Variants in PDE11A observed in about 807,000 individuals in gnomAD.
The protein encoded by PDE11A is dual 3',5'-cyclic-AMP and -GMP phosphodiesterase 11A.
In PDE11A, 100 loss-of-function variants were observed where a neutral mutation model predicts 100.5. The ratio of observed to expected loss-of-function variants is 1.00; its 90% CI spans 0.85 to 1.18. PDE11A has a LOEUF of 1.18. PDE11A is among the 50% of genes most tolerant of loss of function. The probability of loss-of-function intolerance (pLI) is 0.00; values close to 1 mark genes in which losing one functional copy is unlikely to be tolerated. For synonymous variants in PDE11A, 381 were observed against 420.8 expected, an observed-to-expected ratio of 0.91 and a Z score of 1.16; for missense variants, 1,141 against 1,152.6, an observed-to-expected ratio of 0.99 and a Z score of 0.15.
At chr2:177,946,102 G>T (rs1402146173) in intron 2 of PDE11A, among the ~76,000 whole-genome samples, 1 of 99,030 alleles carries the variant, frequency 1.0e-5, no homozygotes, top group African/African-American at 4.4e-5. Flanking sequence ...GATGGAGGTG[G>T]GGGGGGGTCA....
intron 6 of PDE11A, among the ~76,000 whole-genome samples, chr2:177,836,397 C>A (rs1012722600): frequency 5.3e-5 from 8 of 152,234 alleles, no homozygotes; most frequent in African/African-American, 1.9e-4. Flanking sequence ...ATGCACCAAT[C>A]ATTGCTGTGT....
intron 9 of PDE11A, among the ~76,000 whole-genome samples, chr2:177,783,521 A>T (rs2082485210): frequency 6.6e-6 from 1 of 152,228 alleles, no homozygotes; most frequent in African/African-American, 2.4e-5. Flanking sequence ...GCTCATTAAA[A>T]TTACTACTAC....
chr2:177,658,519 T>C (rs930531994), intron 19 of PDE11A, among the ~76,000 whole-genome samples: 1 of 150,240 alleles, frequency 6.7e-6, no homozygotes, highest in Non-Finnish European at 1.5e-5. Context: ...TCCCTCTCTC[T>C]CTCCTTCCCT....
rs1358493873 is a variant in PDE11A, at chr2:177,624,126, C to T, written c.*5281G>A. On this transcript the variant is annotated 3_prime_UTR_variant, in exon 20 of 20. Coordinates refer to ENST00000286063, the MANE Select transcript of PDE11A (RefSeq NM_016953.4). ...TTTGGGAGTTCTTTACAGCATGTAG[C>T]AGAATAACAATTTCAGAGACTGTTA... 1 of 152,178 alleles carries T rather than the reference C, an allele frequency of 6.6e-6. No homozygotes were observed. Among genetic ancestry groups the T allele is most frequent in the Non-Finnish European group, 1.5e-5 (1 of 68,038 alleles). The allele number at this position is 152,178 out of a possible 1,614,324, so 9.4% of individuals were successfully genotyped here. A position where few individuals can be genotyped will look rare whatever the true frequency, so the allele number is the denominator to read the frequency against.
intron 2 of PDE11A, among the ~76,000 whole-genome samples, chr2:177,929,329 C>G (rs901729280): frequency 2.6e-5 from 4 of 152,158 alleles, no homozygotes; most frequent in African/African-American, 9.7e-5. Flanking sequence ...TTTTTGTTAG[C>G]TGAGAATCTC....
At chr2:177,665,142 G>C (rs6758923) in intron 18 of PDE11A, among the ~76,000 whole-genome samples, 4,020 of 152,040 alleles carry the variant, frequency 0.026, 160 homozygotes, top group African/African-American at 0.091. Context: ...TGGAGAGAGG[G>C]ATAGTTCTTG....
At chr2:177,930,137 C>T (rs2085186532) in intron 2 of PDE11A, among the ~76,000 whole-genome samples, 1 of 152,104 alleles carries the variant, frequency 6.6e-6, no homozygotes, top group Admixed American at 6.5e-5. Flanking sequence ...ATTCAACAGC[C>T]CTCTCACAAT....
At chr2:178,007,825 C>T (rs2086229669) in intron 2 of PDE11A, among the ~76,000 whole-genome samples, 1 of 152,134 alleles carries the variant, frequency 6.6e-6, no homozygotes, top group Admixed American at 6.6e-5. Context: ...CTGCCTCAGC[C>T]TCCCAAGTAG....
At chr2:177,848,235 G>A (rs897906612) in intron 5 of PDE11A, among the ~76,000 whole-genome samples, 2 of 151,566 alleles carry the variant, frequency 1.3e-5, no homozygotes, top group African/African-American at 2.4e-5. Flanking sequence ...CCTACAGTGG[G>A]GATATTTTAA....
intron 1 of PDE11A, among the ~76,000 whole-genome samples, chr2:178,037,468 C>T (rs1478612686): frequency 6.6e-6 from 1 of 152,130 alleles, no homozygotes; most frequent in Admixed American, 6.5e-5. Flanking sequence ...TGTGGTGATT[C>T]CTCAAGGATC....
At chr2:177,774,550 C>A (rs1443135120) in intron 9 of PDE11A, among the ~76,000 whole-genome samples, 1 of 152,092 alleles carries the variant, frequency 6.6e-6, no homozygotes, top group African/African-American at 2.4e-5. Flanking sequence ...TTTATGTTTT[C>A]TTTTTTGGCC....
intron 4 of PDE11A, among the ~76,000 whole-genome samples, chr2:177,895,075 G>T (rs751940558): frequency 6.6e-6 from 1 of 151,430 alleles, no homozygotes. Context: ...GAATAAGCCT[G>T]TTTACCTATA....
rs1036689448 is a variant in PDE11A at position 177,626,154 on chromosome 2, A to C, written c.*3253T>G. ...GGCAAGAAAATGAGAGGAAAACTCA[A>C]CCTTAGTGGAAGCTTGTAGGGTTTA... On this transcript the variant is annotated 3_prime_UTR_variant, in exon 20 of 20. Coordinates refer to ENST00000286063, the MANE Select transcript of PDE11A (RefSeq NM_016953.4). 6.5e-6 allele frequency: 1 copy of C among 152,678 alleles called. No individual in the cohort carries two copies. Among genetic ancestry groups the C allele is most frequent in the African/African-American group, 2.4e-5 (1 of 41,460 alleles). 9.5% of individuals were successfully genotyped at this position (152,678 alleles called of 1,614,324 possible).
At chr2:177,785,699 C>A (rs932105564) in intron 9 of PDE11A, among the ~76,000 whole-genome samples, 1 of 152,178 alleles carries the variant, frequency 6.6e-6, no homozygotes, top group African/African-American at 2.4e-5. Context: ...TGCGCTTTTC[C>A]GACGGGCTTA....
chr2:177,892,075 C>T (rs1182880799), intron 4 of PDE11A, among the ~76,000 whole-genome samples: 1 of 152,074 alleles, frequency 6.6e-6, no homozygotes, highest in Non-Finnish European at 1.5e-5. Flanking sequence ...TGTCTTTAAC[C>T]AGTATTGTTT....
At chr2:177,778,904 T>C (rs1232553219) in intron 9 of PDE11A, among the ~76,000 whole-genome samples, 1 of 152,216 alleles carries the variant, frequency 6.6e-6, no homozygotes, top group Non-Finnish European at 1.5e-5. Flanking sequence ...TCTGTTATCA[T>C]GACCTTCAGA....
At chr2:178,011,612 T>G (rs890413693) in intron 2 of PDE11A, among the ~76,000 whole-genome samples, 4 of 152,116 alleles carry the variant, frequency 2.6e-5, no homozygotes, top group African/African-American at 9.7e-5. Flanking sequence ...AGACTTAAAT[T>G]AGACAAAGGT....
At chr2:177,930,209 T>G (rs1361186067) in intron 2 of PDE11A, among the ~76,000 whole-genome samples, 1 of 152,218 alleles carries the variant, frequency 6.6e-6, no homozygotes, top group Non-Finnish European at 1.5e-5. Context: ...ATTTTTCTGA[T>G]AAATTTGAGA....
intron 10 of PDE11A, among the ~76,000 whole-genome samples, chr2:177,767,668 ATAAT>A (rs2082258491): frequency 6.6e-6 from 1 of 152,078 alleles, no homozygotes; most frequent in African/African-American, 2.4e-5. Flanking sequence ...AATATATAAA[ATAAT>A]TATATATTAT....
Sources: gnomAD v4.1 joint callset for allele counts (sites outside exome capture counted in the v4.1 genomes callset) on GRCh38, gnomAD v4.1.1 for gene constraint, MANE v1.5 for transcripts, NCBI Gene and HGNC (gene_info 2026-07-23, HGNC 2026-07-21) for gene names.